Variants in HOMER2 observed in about 807,000 individuals in gnomAD.
HOMER2 encodes homer scaffold protein 2.
In HOMER2, 27 loss-of-function variants were observed where a neutral mutation model predicts 47.0. The observed-to-expected ratio is 0.57, with a 90% CI of 0.42 to 0.79. The LOEUF (loss-of-function observed/expected upper bound fraction) is 0.79. Ranked by LOEUF, HOMER2 falls within the 30% of genes least tolerant of loss-of-function variation. The pLI, the probability that HOMER2 is intolerant of heterozygous loss-of-function variation, is 0.00. For missense variants in HOMER2, 443 were observed against 435.0 expected (o/e 1.02, Z -0.16); for synonymous variants, 161 against 163.8 (o/e 0.98, Z 0.13).
At chr15:82,965,982 T>C (rs558139840) in intron 1 of HOMER2, among the ~76,000 whole-genome samples, 1 of 152,208 alleles carries the variant, frequency 6.6e-6, no homozygotes, top group Non-Finnish European at 1.5e-5. Context: ...TAGTCCCTGC[T>C]ATTGGGGGAT....
chr15:82,895,993 C>G (rs1331521990), intron 1 of HOMER2, among the ~76,000 whole-genome samples: 1 of 152,044 alleles, frequency 6.6e-6, no homozygotes, highest in African/African-American at 2.4e-5. Flanking sequence ...AGAAGTGGCC[C>G]CTAGAGCCAG....
intron 1 of HOMER2, among the ~76,000 whole-genome samples, chr15:82,897,735 C>CA: frequency 6.6e-6 from 1 of 152,342 alleles, no homozygotes; most frequent in Middle Eastern, 3.4e-3. Flanking sequence ...AGCCAACTGA[C>CA]AGACAGGAAC....
upstream of HOMER2, among the ~76,000 whole-genome samples, chr15:82,953,201 C>T (rs1348580988): frequency 6.6e-6 from 1 of 152,056 alleles, no homozygotes; most frequent in African/African-American, 2.4e-5. Flanking sequence ...GCCAGTTGCC[C>T]GGCCGAGTGG....
rs149045099 is a variant in HOMER2, at chr15:82,878,314, G to A, written c.163-2910C>T. Among the ~76,000 whole-genome samples the A allele has an allele frequency of 2.4e-3, 366 of 152,228 alleles. 2 individuals carry two copies. Among genetic ancestry groups the A allele is most frequent in the South Asian group, 1.0e-2 (48 of 4,818 alleles). On this transcript the variant is annotated intron_variant, in intron 2 of 8. Transcript: ENST00000450735. The stretch of plus-strand genomic sequence containing the variant: ...CTATTTCCTTAAAACTTAGTTTCTA[G>A]GGCACTTTTTCACAGTCTTTAACCC...
At chr15:82,848,143 T>C (rs2051279322), downstream of HOMER2, among the ~76,000 whole-genome samples, 1 of 151,952 alleles carries the variant, frequency 6.6e-6, no homozygotes, top group Non-Finnish European at 1.5e-5. Context: ...CAGAGAGGCG[T>C]CTCCGTGAGG....
Position 82,862,068 on chromosome 15 carries a change from C to CTG in HOMER2, c.387+2098_387+2099insCA, listed in dbSNP as rs2051811198. Among the ~76,000 whole-genome samples, 7 of 128,590 alleles carry CTG rather than the reference C, an allele frequency of 5.4e-5. No individual in the cohort carries two copies. In the East Asian group the frequency reaches 1.0e-3, roughly 19 times the overall value. 84.4% of individuals were successfully genotyped at this position (128,590 alleles called of 152,430 possible). A position where few individuals can be genotyped will look rare whatever the true frequency, so the allele number is the denominator to read the frequency against. Reference sequence around the variant, plus strand: ...ACAAAAACAAAAATAGTCTTTCTCTCTCTTTTTTTTTTTTTAATAGAGATG... The same window carrying CTG: ...ACAAAAACAAAAATAGTCTTTCTCTCTGTCTTTTTTTTTTTTTAATAGAGATG... On this transcript the variant is annotated intron_variant, in intron 4 of 8. Coordinates refer to ENST00000450735, the MANE Select transcript of HOMER2 (RefSeq NM_004839.4).
At chr15:82,967,446 G>C (rs2054684845) in intron 1 of HOMER2, among the ~76,000 whole-genome samples, 2 of 152,154 alleles carry the variant, frequency 1.3e-5, no homozygotes, top group Non-Finnish European at 2.9e-5. Context: ...AATCCAGTGG[G>C]TGTGGGGAAG....
chr15:82,925,272 C>T (rs1202698548), intron 1 of HOMER2, among the ~76,000 whole-genome samples: 2 of 152,316 alleles, frequency 1.3e-5, no homozygotes, highest in Non-Finnish European at 2.9e-5. Flanking sequence ...CCTGTTTAGA[C>T]CATGTTCATC....
chr15:82,920,001 G>A (rs2053687910), intron 1 of HOMER2, among the ~76,000 whole-genome samples: 1 of 152,180 alleles, frequency 6.6e-6, no homozygotes, highest in Non-Finnish European at 1.5e-5. Context: ...ATTCCAGCTT[G>A]TTCACTCTGT....
chr15:82,903,592 C>G (rs2053197301), intron 1 of HOMER2, among the ~76,000 whole-genome samples: 1 of 152,060 alleles, frequency 6.6e-6, no homozygotes, highest in Non-Finnish European at 1.5e-5. Flanking sequence ...GCACTCCAGC[C>G]TGGGCAACAA....
chr15:82,852,066 C>T lies in HOMER2; in HGVS notation c.762+76G>A. ...CAGCTGCCAGGGCCAGTCATAGGCC[C>T]CAAGACACCTGCTGTGTGCCACCCC... is the stretch of plus-strand genomic sequence containing the variant. On this transcript the variant is annotated intron_variant, in intron 7 of 8. Transcript: ENST00000450735. 3 of 971,468 alleles carry T rather than the reference C, an allele frequency of 3.1e-6. No homozygotes were observed. In the South Asian group the frequency reaches 4.3e-5, roughly 14 times the overall value. 60.2% of individuals were successfully genotyped at this position (971,468 alleles called of 1,614,324 possible).
At chr15:82,868,541 A>ATATATATATATATTT in intron 3 of HOMER2, among the ~76,000 whole-genome samples, 2 of 71,266 alleles carry the variant, frequency 2.8e-5, no homozygotes, top group Admixed American at 1.8e-4. Flanking sequence ...ATATATATAT[A>ATATATATATATATTT]TTTTTTTTTT....
rs535473698 is a variant in HOMER2, at chr15:82,920,765, C to T, written c.6-27924G>A. Among the ~76,000 whole-genome samples the T allele has an allele frequency of 5.3e-5, 8 of 152,136 alleles. No individual in the cohort carries two copies. In the South Asian group the frequency reaches 1.0e-3, roughly 20 times the overall value. On this transcript the variant is annotated intron_variant, in intron 1 of 8. Coordinates refer to ENST00000450735, the MANE Select transcript of HOMER2 (RefSeq NM_004839.4). ...ATCTGCAAAGACCCTTTAACATATA[C>T]GGTAACGTAGGTTCAGAAATGAGCA... is the stretch of plus-strand genomic sequence containing the variant.
intron 5 of HOMER2, among the ~76,000 whole-genome samples, chr15:82,857,321 C>G (rs529670817): frequency 6.6e-6 from 1 of 151,998 alleles, no homozygotes; most frequent in African/African-American, 2.4e-5. Context: ...GACTTTCTAG[C>G]CTCCAGAACT....
intron 3 of HOMER2, among the ~76,000 whole-genome samples, chr15:82,868,541 A>ATATTTTTTT: frequency 4.2e-5 from 3 of 71,268 alleles, no homozygotes; most frequent in Non-Finnish European, 8.5e-5. Context: ...ATATATATAT[A>ATATTTTTTT]TTTTTTTTTT....
intron 1 of HOMER2, among the ~76,000 whole-genome samples, chr15:82,899,172 T>G (rs748631764): frequency 1.3e-5 from 2 of 152,262 alleles, no homozygotes; most frequent in Non-Finnish European, 2.9e-5. Flanking sequence ...GAAGGGCTTC[T>G]GCTGCTTTCC....
At chr15:82,979,096 G>A (rs189155408) in intron 1 of HOMER2, among the ~76,000 whole-genome samples, 20 of 152,300 alleles carry the variant, frequency 1.3e-4, no homozygotes, top group African/African-American at 4.6e-4. Flanking sequence ...ATATAAAGAA[G>A]GACGTGTTTG....
chr15:82,908,132 T>G (rs1289043803), intron 1 of HOMER2, among the ~76,000 whole-genome samples: 1 of 125,580 alleles, frequency 8.0e-6, no homozygotes, highest in Non-Finnish European at 1.9e-5. Flanking sequence ...TGACTGCTAA[T>G]GGATTCTGAC....
chr15:82,849,878 A>C lies in HOMER2; in HGVS notation c.869T>G (p.Leu290Arg), dbSNP rs1274080313. 1 of 1,613,890 alleles carries C rather than the reference A, an allele frequency of 6.2e-7. No homozygotes were observed. Among genetic ancestry groups the C allele is most frequent in the Non-Finnish European group, 8.5e-7 (1 of 1,179,812 alleles). Residue 290 changes from leucine (L) to arginine (R), a missense_variant, in exon 9 of 9, where the codon CTG becomes CGG. Transcript: ENST00000450735. ...CTTTAAGGAACGCACTTTGTCTTCC[A>C]GGTTTTGATTGTCTCTCTCTGCCGC... Reference protein sequence around the residue: ...LEAAERDNQNLEDKVRSLKTD... With the variant: ...LEAAERDNQNREDKVRSLKTD...
Sources: allele counts gnomAD v4.1 joint callset (sites outside exome capture counted in the v4.1 genomes callset), GRCh38; gene constraint gnomAD v4.1.1; transcripts MANE v1.5; gene names NCBI Gene and HGNC (gene_info 2026-07-23, HGNC 2026-07-21).